The following ATP2A2 variants were observed in gnomAD, a reference collection of about 807,000 sequenced individuals.
ATP2A2 encodes sarcoplasmic/endoplasmic reticulum calcium ATPase 2.
ATP2A2 carries 14 observed loss-of-function variants against 109.3 expected under a neutral mutation model. The ratio of observed to expected loss-of-function variants is 0.13; its 90% CI spans 0.08 to 0.20. The LOEUF is 0.20. Ranked by LOEUF, ATP2A2 falls within the 10% of genes least tolerant of loss-of-function variation. The probability of loss-of-function intolerance (pLI) is 1.00; values close to 1 mark genes in which losing one functional copy is unlikely to be tolerated. For missense variants in ATP2A2, 657 were observed against 1,321.6 expected (o/e 0.50, Z 7.80); for synonymous variants, 506 against 490.9 (o/e 1.03, Z -0.41).
rs1880199153 is a variant in ATP2A2 at position 110,349,468 on chromosome 12, A to G, written c.*2998A>G. 1 of 985,444 alleles carries G rather than the reference A, an allele frequency of 1.0e-6. No individual in the cohort carries two copies. The highest frequency in any genetic ancestry group is 1.7e-5 in the African/African-American group (1 of 57,334). 61.0% of individuals were successfully genotyped at this position (985,444 alleles called of 1,614,324 possible). On this transcript the variant is annotated 3_prime_UTR_variant, in exon 20 of 20. Transcript: ENST00000539276. ...GAAGACCAACAATCATACATACCCT[A>G]ACTGGGACACCACTCTGCAGAATGC...
Position 110,350,435 on chromosome 12 carries a change from T to G in ATP2A2, c.*3965T>G. The G allele has an allele frequency of 6.9e-7, 1 of 1,455,156 alleles. No individual in the cohort carries two copies. Among genetic ancestry groups the G allele is most frequent in the Non-Finnish European group, 9.6e-7 (1 of 1,042,326 alleles). 90.1% of individuals were successfully genotyped at this position (1,455,156 alleles called of 1,614,324 possible). A position where few individuals can be genotyped will look rare whatever the true frequency, so the allele number is the denominator to read the frequency against. ...AAAGAAAAGTAAAAAACTTCCCAACTCACTTTGTGTTATGTGGAGGAAATG... is the reference window on the plus strand; with the variant it reads ...AAAGAAAAGTAAAAAACTTCCCAACGCACTTTGTGTTATGTGGAGGAAATG... On this transcript the variant is annotated 3_prime_UTR_variant, in exon 20 of 20. Coordinates refer to ENST00000539276, the MANE Select transcript of ATP2A2 (RefSeq NM_170665.4).
chr12:110,302,584 C>CTATTATTATTAT (rs10568177), intron 5 of ATP2A2, among the ~76,000 whole-genome samples: 156 of 146,506 alleles, frequency 1.1e-3, no homozygotes, highest in African/African-American at 2.9e-3. Context: ...ATTTTTATTA[C>CTATTATTATTAT]TATTATTATT....
intron 5 of ATP2A2, among the ~76,000 whole-genome samples, chr12:110,304,842 TTATA>T (rs1875091481): frequency 6.6e-6 from 1 of 152,204 alleles, no homozygotes; most frequent in African/African-American, 2.4e-5. Context: ...CACAAAGACT[TTATA>T]TATTAGCCAG....
At chr12:110,326,241 T>C in intron 6 of ATP2A2, 149 bp from the exon 7 acceptor site, 1 of 711,934 alleles carries the variant, frequency 1.4e-6, no homozygotes, top group South Asian at 1.5e-5. Flanking sequence ...TTTCCCAGCT[T>C]ACCTCCTTTG....
rs1341498680 is a variant in ATP2A2, at chr12:110,349,200, C to T, written c.*2730C>T. On this transcript the variant is annotated 3_prime_UTR_variant, in exon 20 of 20. Coordinates refer to ENST00000539276, the MANE Select transcript of ATP2A2 (RefSeq NM_170665.4). Reference sequence around the variant, plus strand: ...GCTGGGTGAAAACACTTCAGCATCTCCTCCTCAGGTCAACCCATAAAGACC... The same window carrying T: ...GCTGGGTGAAAACACTTCAGCATCTTCTCCTCAGGTCAACCCATAAAGACC... 1.0e-6 allele frequency: 1 copy of T among 985,342 alleles called. No individual in the cohort carries two copies. Among genetic ancestry groups the T allele is most frequent in the Non-Finnish European group, 1.2e-6 (1 of 830,048 alleles). The allele number at this position is 985,342 out of a possible 1,614,324, so 61.0% of individuals were successfully genotyped here. A position where few individuals can be genotyped will look rare whatever the true frequency, so the allele number is the denominator to read the frequency against.
At chr12:110,315,880 A>C (rs1487964152) in intron 5 of ATP2A2, among the ~76,000 whole-genome samples, 1 of 152,210 alleles carries the variant, frequency 6.6e-6, no homozygotes, top group Admixed American at 6.5e-5. Context: ...CGGGGGTTGC[A>C]GTGAGCTGAG....
chr12:110,324,037 A>C (rs1354240621), intron 6 of ATP2A2, among the ~76,000 whole-genome samples: 1 of 152,224 alleles, frequency 6.6e-6, no homozygotes, highest in Non-Finnish European at 1.5e-5. Context: ...GAATTTGCAC[A>C]ATTGTTTGAA....
intron 4 of ATP2A2, among the ~76,000 whole-genome samples, chr12:110,295,057 G>A (rs928338447): frequency 1.3e-5 from 2 of 152,126 alleles, no homozygotes; most frequent in African/African-American, 2.4e-5. Flanking sequence ...AACCTCAGGC[G>A]ATCCGCCCAC....
chr12:110,283,055 G>A (rs1356556735), intron 3 of ATP2A2, among the ~76,000 whole-genome samples: 1 of 152,158 alleles, frequency 6.6e-6, no homozygotes, highest in African/African-American at 2.4e-5. Flanking sequence ...AAATTCTTGT[G>A]GTTTATCAGC....
In ATP2A2 at chr12:110,342,432, G is replaced by A. The variant is rs371796446; in HGVS notation, c.2302G>A (p.Val768Ile). The change falls in exon 15 of 20, where the codon GTC (valine) becomes ATC (isoleucine). Residue 768 changes from valine to isoleucine, a missense_variant. Transcript: ENST00000539276. The surrounding 1 kb of genome is among the most constrained non-coding windows in gnomAD (Gnocchi z 4.6). The stretch of plus-strand genomic sequence containing the variant: ...CATCCGCTACCTCATCTCGTCCAAC[G>A]TCGGGGAAGTTGTCTGGTAGGTCTC... ...QFIRYLISSN[V>I]GEVVCIFLTA... is the part of the protein sequence containing the mutation. 7 of 1,613,598 alleles carry A rather than the reference G, an allele frequency of 4.3e-6. No individual in the cohort carries two copies. The African/African-American group carries it at 6.7e-5, about 15-fold the overall frequency.
At chr12:110,336,264 C>G (rs1475901296) in intron 11 of ATP2A2, among the ~76,000 whole-genome samples, 3 of 152,180 alleles carry the variant, frequency 2.0e-5, no homozygotes, top group Non-Finnish European at 4.4e-5. Context: ...GAGGTTCTGC[C>G]TGCCTGAAGG....
intron 11 of ATP2A2, among the ~76,000 whole-genome samples, chr12:110,335,508 C>G (rs1001359660): frequency 6.6e-6 from 1 of 151,972 alleles, no homozygotes; most frequent in Non-Finnish European, 1.5e-5. Context: ...GAGTCAGACC[C>G]CATCTCAAAA....
At position 110,281,272 on chromosome 12, in the gene ATP2A2, C is replaced by T. The variant is rs947478932; in HGVS notation, c.-518C>T. 6 of 151,524 alleles carry T rather than the reference C, an allele frequency of 4.0e-5. No individual in the cohort carries two copies. The highest frequency in any genetic ancestry group is 9.7e-5 in the African/African-American group (4 of 41,346). The allele number at this position is 151,524 out of a possible 1,614,324, so 9.4% of individuals were successfully genotyped here. On this transcript the variant is annotated 5_prime_UTR_variant, in exon 1 of 20. Coordinates refer to ENST00000539276, the MANE Select transcript of ATP2A2 (RefSeq NM_170665.4). The stretch of plus-strand genomic sequence containing the variant: ...ATTAGAGCAGCCGCCGCGGAGCCGT[C>T]CCCGACGCCACCTCCTTTTCCTTCG...
chr12:110,318,022 T>G (rs1287369901), intron 5 of ATP2A2, among the ~76,000 whole-genome samples: 14 of 152,210 alleles, frequency 9.2e-5, no homozygotes, highest in Non-Finnish European at 1.0e-4. Context: ...TTGCAGAGCA[T>G]CCCTTTGGCA....
intron 1 of ATP2A2, 80 bp from the exon 2 acceptor site, chr12:110,282,524 C>T (rs955726400): frequency 7.8e-6 from 12 of 1,539,734 alleles, no homozygotes; most frequent in Admixed American, 1.7e-5. Flanking sequence ...TTTAGAAAAA[C>T]GAAGTGCTAA....
intron 5 of ATP2A2, among the ~76,000 whole-genome samples, chr12:110,321,432 C>A (rs1877232941): frequency 1.3e-5 from 2 of 152,136 alleles, no homozygotes; most frequent in African/African-American, 4.8e-5. Context: ...TACAAACCAC[C>A]TTAATTATCT....
At chr12:110,301,700 T>C (rs1309874895) in intron 5 of ATP2A2, among the ~76,000 whole-genome samples, 1 of 152,210 alleles carries the variant, frequency 6.6e-6, no homozygotes, top group East Asian at 1.9e-4. Flanking sequence ...ATTCATCTGC[T>C]AAAAAACCCT....
In ATP2A2 at chr12:110,323,066, C is replaced by T; in HGVS notation, c.538C>T (p.Leu180Phe). ...STTLRVDQSI[L>F]TGESVSVIKH... ...CACACTAAGAGTTGACCAGTCAATT[C>T]TCACAGGTAAATATGATATATTAAG... The change falls in exon 6 of 20, where the codon CTC (leucine) becomes TTC (phenylalanine). Residue 180 changes from leucine to phenylalanine, a missense_variant. This residue lies in a region of ATP2A2 where 136 missense variants were observed against 343.9 expected (regional missense o/e 0.40). Coordinates refer to ENST00000539276, the MANE Select transcript of ATP2A2 (RefSeq NM_170665.4). The T allele has an allele frequency of 6.2e-7, 1 of 1,602,648 alleles. No individual in the cohort carries two copies.
chr12:110,321,107 A>AGT (rs1170634435), intron 5 of ATP2A2, among the ~76,000 whole-genome samples: 25 of 152,318 alleles, frequency 1.6e-4, no homozygotes, highest in South Asian at 1.2e-3. Context: ...GCACGCCTGT[A>AGT]GTCCCGGTTG....
Sources: gnomAD v4.1 joint callset for allele counts (sites outside exome capture counted in the v4.1 genomes callset) on GRCh38, gnomAD v4.1.1 for gene constraint, gnomAD v4.1.1 regional missense constraint, Gnocchi (gnomAD v3.1) non-coding constraint, MANE v1.5 for transcripts, NCBI Gene and HGNC (gene_info 2026-07-23, HGNC 2026-07-21) for gene names.